The following INPP4A variants were observed in gnomAD, a reference collection of about 807,000 sequenced individuals.
INPP4A encodes inositol polyphosphate-4-phosphatase, type I, 107kD.
Under a neutral mutation model 119.8 loss-of-function variants are expected in INPP4A, and 33 were observed. The ratio of observed to expected loss-of-function variants is 0.28; its 90% CI spans 0.21 to 0.37. INPP4A has a LOEUF of 0.37. Ranked by LOEUF, INPP4A falls within the 10% of genes least tolerant of loss-of-function variation. The probability of loss-of-function intolerance (pLI) is 1.00; values close to 1 mark genes in which losing one functional copy is unlikely to be tolerated. For synonymous variants in INPP4A, 496 were observed against 500.7 expected, an observed-to-expected ratio of 0.99 and a Z score of 0.12; for missense variants, 956 against 1,289.9, an observed-to-expected ratio of 0.74 and a Z score of 3.97.
chr2:98,491,175 TC>T (rs1156339690), intron 1 of INPP4A, among the ~76,000 whole-genome samples: 2 of 152,198 alleles, frequency 1.3e-5, no homozygotes, highest in Non-Finnish European at 2.9e-5. Context: ...TTTGTGCACT[TC>T]CTTAGGATTT....
At position 98,566,491 on chromosome 2, in the gene INPP4A, G is replaced by A. The variant is rs146304259; in HGVS notation, c.2420+322G>A. 3.7e-3 allele frequency among the ~76,000 whole-genome samples: 565 copies of A among 152,260 alleles called. 7 individuals are homozygous for A. The highest frequency in any genetic ancestry group is 0.013 in the African/African-American group (547 of 41,552). On this transcript the variant is annotated intron_variant, in intron 21 of 24. Transcript: ENST00000409851. The surrounding 1 kb of genome is among the most constrained non-coding windows in gnomAD (Gnocchi z 4.2). ...TCTAGGGGGTCTGTAAAGGCTTCTT[G>A]GAGTTGCAGGGGATGGGGCTTTGAA... is the stretch of plus-strand genomic sequence containing the variant.
At chr2:98,536,841 G>A (rs1690379649) in intron 7 of INPP4A, among the ~76,000 whole-genome samples, 1 of 152,220 alleles carries the variant, frequency 6.6e-6, no homozygotes, top group South Asian at 2.1e-4. Context: ...ACATTCTGAA[G>A]CTACTATAAG....
At chr2:98,510,088 A>G (rs12619665) in intron 1 of INPP4A, among the ~76,000 whole-genome samples, 1 of 152,172 alleles carries the variant, frequency 6.6e-6, no homozygotes, top group South Asian at 2.1e-4. Context: ...CCGTCATTGC[A>G]GTTGGACACA....
chr2:98,485,384 A>G (rs1679327739), intron 1 of INPP4A, among the ~76,000 whole-genome samples: 1 of 152,126 alleles, frequency 6.6e-6, no homozygotes, highest in Admixed American at 6.5e-5. Flanking sequence ...CCAAGTCAGA[A>G]CTGATTTTAG....
intron 11 of INPP4A, 72 bp from the exon 12 acceptor site, chr2:98,545,897 A>G: frequency 1.8e-6 from 2 of 1,116,390 alleles, no homozygotes; most frequent in Non-Finnish European, 2.6e-6. Context: ...TCTGAATTCC[A>G]TTTTCTACTT....
intron 5 of INPP4A, 90 bp downstream of exon 5, chr2:98,533,585 G>A: frequency 1.3e-6 from 1 of 787,984 alleles, no homozygotes; most frequent in Non-Finnish European, 2.2e-6. Flanking sequence ...TGCATCTGTA[G>A]CTGAAGCTGT....
At chr2:98,579,365 ATAATT>A (rs1698945809) in intron 24 of INPP4A, among the ~76,000 whole-genome samples, 1 of 152,214 alleles carries the variant, frequency 6.6e-6, no homozygotes, top group Admixed American at 6.5e-5. Flanking sequence ...TTTACACACT[ATAATT>A]TATCCAATTT....
chr2:98,565,778 G>T lies in INPP4A; in HGVS notation c.2279+12G>T, dbSNP rs779696022. 95 of 1,608,012 alleles carry T rather than the reference G, an allele frequency of 5.9e-5. No homozygotes were observed. The highest frequency in any genetic ancestry group is 7.2e-5 in the Non-Finnish European group (85 of 1,178,112). ...ATCACAGGAAATCGGTAGAGTGTTG[G>T]TTTAAAATTCTCTGAGCCAGAGAGC... is the stretch of plus-strand genomic sequence containing the variant. On this transcript the variant is annotated intron_variant, in intron 20 of 24. Coordinates refer to ENST00000409851, the MANE Select transcript of INPP4A (RefSeq NM_001134225.2).
intron 1 of INPP4A, among the ~76,000 whole-genome samples, chr2:98,510,636 T>G (rs1177401622): frequency 6.6e-6 from 1 of 152,196 alleles, no homozygotes; most frequent in African/African-American, 2.4e-5. Flanking sequence ...ATCCCACCTA[T>G]GAGGCCAGAG....
At chr2:98,581,820 C>A in intron 24 of INPP4A, 1 of 1,546,724 alleles carries the variant, frequency 6.5e-7, no homozygotes, top group East Asian at 2.4e-5. Context: ...GTCCAGCCAC[C>A]GTGTACCTAA....
At chr2:98,571,565 G>A (rs992331924) in intron 22 of INPP4A, among the ~76,000 whole-genome samples, 8 of 152,228 alleles carry the variant, frequency 5.3e-5, no homozygotes, top group African/African-American at 1.9e-4. Context: ...CGAGGCCTCC[G>A]GAAGCAGAGC....
intron 24 of INPP4A, among the ~76,000 whole-genome samples, chr2:98,582,069 T>C (rs903159301): frequency 6.6e-6 from 1 of 152,220 alleles, no homozygotes; most frequent in Non-Finnish European, 1.5e-5. Context: ...GATGTACAAC[T>C]ATTTATCACC....
intron 7 of INPP4A, among the ~76,000 whole-genome samples, chr2:98,537,065 A>C (rs1479685912): frequency 1.3e-5 from 2 of 152,264 alleles, no homozygotes; most frequent in Non-Finnish European, 2.9e-5. Flanking sequence ...AAATGTACAA[A>C]ATAGACATCA....
chr2:98,478,083 G>T (rs1009542889), intron 1 of INPP4A, among the ~76,000 whole-genome samples: 4 of 152,242 alleles, frequency 2.6e-5, no homozygotes, highest in Admixed American at 2.0e-4. Flanking sequence ...TTGAGGAACT[G>T]CCTCTGATCT....
chr2:98,569,446 T>TG lies in INPP4A; in HGVS notation c.2518+779dup, dbSNP rs1445539269. On this transcript the variant is annotated intron_variant, in intron 22 of 24. Transcript: ENST00000409851. This position sits in a 1 kb window ranked among gnomAD's most constrained non-coding sequence, Gnocchi z 5.1. ...CCCTCTGTGTTACACTAGTGTCCTC[T>TG]GATGGGGGTTTCCAAAGAGGGAACC... The TG allele has an allele frequency of 1.3e-5, 2 of 152,310 alleles. No homozygotes were observed. The highest frequency in any genetic ancestry group is 2.4e-5 in the African/African-American group (1 of 41,456). The allele number at this position is 152,310 out of a possible 1,614,324, so 9.4% of individuals were successfully genotyped here.
At chr2:98,507,338 A>C (rs1684269014) in intron 1 of INPP4A, among the ~76,000 whole-genome samples, 1 of 152,226 alleles carries the variant, frequency 6.6e-6, no homozygotes, top group Non-Finnish European at 1.5e-5. Flanking sequence ...AAAAGAGTTT[A>C]TGACTAATTA....
chr2:98,570,678 A>G lies in INPP4A; in HGVS notation c.2518+2010A>G, dbSNP rs1054489271. 2.0e-5 allele frequency among the ~76,000 whole-genome samples: 3 copies of G among 152,166 alleles called. No homozygotes were observed. Among genetic ancestry groups the G allele is most frequent in the Admixed American group, 6.5e-5 (1 of 15,286 alleles). On this transcript the variant is annotated intron_variant, in intron 22 of 24. Coordinates refer to ENST00000409851, the MANE Select transcript of INPP4A (RefSeq NM_001134225.2). This position sits in a 1 kb window ranked among gnomAD's most constrained non-coding sequence, Gnocchi z 4.3. Reference sequence around the variant, plus strand: ...GGGCTGGAAGATGCAAGAGGACACCAGAGTCACAGACCAGGCCCTGGAGTG... The same window carrying G: ...GGGCTGGAAGATGCAAGAGGACACCGGAGTCACAGACCAGGCCCTGGAGTG...
intron 13 of INPP4A, among the ~76,000 whole-genome samples, chr2:98,551,665 G>A (rs1693545638): frequency 1.3e-5 from 2 of 152,110 alleles, no homozygotes; most frequent in African/African-American, 2.4e-5. Flanking sequence ...GTGGTGAGAG[G>A]TGCCCTCGCT....
intron 1 of INPP4A, among the ~76,000 whole-genome samples, chr2:98,516,423 C>G (rs1481657857): frequency 6.6e-6 from 1 of 152,140 alleles, no homozygotes; most frequent in Non-Finnish European, 1.5e-5. Context: ...ATATAAACCA[C>G]CCTCCTAAGG....
Sources: gnomAD v4.1 joint callset for allele counts (sites outside exome capture counted in the v4.1 genomes callset) on GRCh38, gnomAD v4.1.1 for gene constraint, Gnocchi (gnomAD v3.1) non-coding constraint, MANE v1.5 for transcripts, NCBI Gene and HGNC (gene_info 2026-07-23, HGNC 2026-07-21) for gene names.